The following CACNA1B variants were observed in gnomAD, a reference collection of about 807,000 sequenced individuals.
CACNA1B encodes calcium voltage-gated channel subunit alpha1 B.
CACNA1B carries 70 observed loss-of-function variants against 247.2 expected under a neutral mutation model. The observed-to-expected ratio is 0.28, with a 90% CI of 0.23 to 0.35. The LOEUF (loss-of-function observed/expected upper bound fraction) is 0.35, where lower values mean the gene tolerates loss of function less well. Ranked by LOEUF, CACNA1B falls within the 10% of genes least tolerant of loss-of-function variation. CACNA1B has a pLI of 1.00. For missense variants in CACNA1B, 2,367 were observed against 3,197.4 expected (o/e 0.74, Z 6.26); for synonymous variants, 1,231 against 1,294.4 (o/e 0.95, Z 1.05).
Position 138,011,788 on chromosome 9 carries a change from A to G in CACNA1B, c.2161-1341A>G, listed in dbSNP as rs749685311. Among the ~76,000 whole-genome samples the G allele has an allele frequency of 2.0e-5, 3 of 152,152 alleles. No homozygotes were observed. The highest frequency in any genetic ancestry group is 4.4e-5 in the Non-Finnish European group (3 of 68,020). The stretch of plus-strand genomic sequence containing the variant: ...GGAGGGAAATTCGCAGGCAGCTAAC[A>G]AGGGACTTAGTTTCTGCCAGCGTTG... On this transcript the variant is annotated intron_variant, in intron 17 of 46. Transcript: ENST00000371372. The surrounding 1 kb of genome is among the most constrained non-coding windows in gnomAD (Gnocchi z 4.2).
intron 3 of CACNA1B, among the ~76,000 whole-genome samples, chr9:137,903,946 C>T (rs1350354236): frequency 1.3e-5 from 2 of 152,126 alleles, no homozygotes; most frequent in South Asian, 2.1e-4. Context: ...GTTCTGGGTG[C>T]CAGTGCACAC....
chr9:138,043,872 T>G lies in CACNA1B; in HGVS notation c.3385T>G (p.Ser1129Ala). 1 of 1,613,976 alleles carries G rather than the reference T, an allele frequency of 6.2e-7. No individual in the cohort carries two copies. The highest frequency in any genetic ancestry group is 1.1e-5 in the South Asian group (1 of 91,084). The change falls in exon 21 of 47, where the codon TCC becomes GCC. Residue 1129 changes from serine (S) to alanine (A), a missense_variant. Coordinates refer to ENST00000371372, the MANE Select transcript of CACNA1B (RefSeq NM_000718.4). The stretch of plus-strand genomic sequence containing the variant: ...CCCCCGGCCTATCGTCCCATACAGC[T>G]CCATGTTCTGTTTAAGCCCCACCAA... ...SGPRPIVPYSSMFCLSPTNLL... is the reference protein window; with the variant it reads ...SGPRPIVPYSAMFCLSPTNLL...
chr9:138,013,675 C>G (rs1958754677), intron 18 of CACNA1B, among the ~76,000 whole-genome samples: 1 of 152,202 alleles, frequency 6.6e-6, no homozygotes, highest in African/African-American at 2.4e-5. Context: ...AATGTCTCTG[C>G]AAGTGTTTGG....
In CACNA1B at chr9:138,054,633, T is replaced by C. The variant is rs1449935900; in HGVS notation, c.3968+627T>C. On this transcript the variant is annotated intron_variant, in intron 26 of 46. Coordinates refer to ENST00000371372, the MANE Select transcript of CACNA1B (RefSeq NM_000718.4). This position sits in a 1 kb window ranked among gnomAD's most constrained non-coding sequence, Gnocchi z 4.6. ...GCACTTGGCTGTTTGCAGCTGGGAA[T>C]GCTGCACGTGCACACGTCCGCCAGG... Among the ~76,000 whole-genome samples the C allele has an allele frequency of 6.6e-6, 1 of 152,230 alleles. No homozygotes were observed. The highest frequency in any genetic ancestry group is 1.5e-5 in the Non-Finnish European group (1 of 68,032).
Position 138,020,561 on chromosome 9 carries a change from G to A in CACNA1B, c.2268-2450G>A, listed in dbSNP as rs904512618. On this transcript the variant is annotated intron_variant, in intron 18 of 46. Coordinates refer to ENST00000371372, the MANE Select transcript of CACNA1B (RefSeq NM_000718.4). The surrounding 1 kb of genome is among the most constrained non-coding windows in gnomAD (Gnocchi z 4.1). ...GGATACCTCCAGAGAGGAACTTGGT[G>A]GTGCTGGCCGAGTGAGGGCAGATGC... Among the ~76,000 whole-genome samples, 4 of 152,208 alleles carry A rather than the reference G, an allele frequency of 2.6e-5. No individual in the cohort carries two copies. The highest frequency in any genetic ancestry group is 4.4e-5 in the Non-Finnish European group (3 of 68,032).
At chr9:138,093,934 G>T (rs1343585557) in intron 36 of CACNA1B, among the ~76,000 whole-genome samples, 1 of 152,112 alleles carries the variant, frequency 6.6e-6, no homozygotes, top group East Asian at 1.9e-4. Flanking sequence ...AGACCCAAAA[G>T]AAATCAAATC....
At chr9:137,985,795 C>T (rs1028006908) in intron 13 of CACNA1B, among the ~76,000 whole-genome samples, 7 of 152,282 alleles carry the variant, frequency 4.6e-5, no homozygotes, top group South Asian at 2.1e-4. Flanking sequence ...CATGGGGACC[C>T]GTGCATGAGC....
Position 137,914,613 on chromosome 9 carries a change from C to T in CACNA1B, c.623-41C>T, listed in dbSNP as rs760035449. Reference sequence around the variant, plus strand: ...CCCCCACCAAATTCCTTGCCCTACCCTGCCCACGTTGCTTCCTGACCTGCC... The same window carrying T: ...CCCCCACCAAATTCCTTGCCCTACCTTGCCCACGTTGCTTCCTGACCTGCC... On this transcript the variant is annotated intron_variant, in intron 4 of 46. Transcript: ENST00000371372. The surrounding 1 kb of genome is among the most constrained non-coding windows in gnomAD (Gnocchi z 4.3). 3.1e-6 allele frequency: 5 copies of T among 1,590,278 alleles called. No homozygotes were observed. Among genetic ancestry groups the T allele is most frequent in the Non-Finnish European group, 4.3e-6 (5 of 1,162,162 alleles).
chr9:138,023,359 G>A lies in CACNA1B; in HGVS notation c.2616G>A (p.Pro872=), dbSNP rs944745345. ...GGGACCAGGACCGAGCAGAGGCCCC[G>A]AAGGCGGAGAGCGGGGAGCCCGGTG... ...AAGDQDRAEA[P]KAESGEPGAR... is the part of the protein sequence containing the mutation. Residue 872 remains proline, a synonymous_variant, in exon 19 of 47, where the codon CCG becomes CCA. Transcript: ENST00000371372. The A allele has an allele frequency of 1.1e-5, 15 of 1,423,552 alleles. No individual in the cohort carries two copies. The African/African-American group carries it at 1.2e-4, about 11-fold the overall frequency. The allele number at this position is 1,423,552 out of a possible 1,614,324, so 88.2% of individuals were successfully genotyped here.
intron 20 of CACNA1B, among the ~76,000 whole-genome samples, chr9:138,042,124 A>G (rs1274875299): frequency 6.6e-6 from 1 of 152,150 alleles, no homozygotes; most frequent in African/African-American, 2.4e-5. Flanking sequence ...TGCATATTTT[A>G]CTTAGTCAGT....
intron 6 of CACNA1B, among the ~76,000 whole-genome samples, chr9:137,948,264 A>G (rs1957821637): frequency 6.6e-6 from 1 of 152,076 alleles, no homozygotes; most frequent in Non-Finnish European, 1.5e-5. Context: ...TACAGGTGTG[A>G]GCCACCACGC....
intron 37 of CACNA1B, among the ~76,000 whole-genome samples, chr9:138,098,510 GATC>G (rs1351672817): frequency 6.6e-6 from 1 of 152,162 alleles, no homozygotes; most frequent in Non-Finnish European, 1.5e-5. Flanking sequence ...GGCAAAGGCA[GATC>G]AACAAAGGCC....
intron 11 of CACNA1B, among the ~76,000 whole-genome samples, chr9:137,972,461 C>T (rs565530326): frequency 1.3e-5 from 2 of 152,232 alleles, no homozygotes; most frequent in East Asian, 1.9e-4. Context: ...GCCGAGGCAC[C>T]CAGGAAAGCC....
At position 138,122,374 on chromosome 9, in the gene CACNA1B, C is replaced by T. The variant is rs1589142524; in HGVS notation, c.*375C>T. The T allele has an allele frequency of 4.0e-6, 1 of 251,384 alleles. No individual in the cohort carries two copies. Among genetic ancestry groups the T allele is most frequent in the East Asian group, 8.5e-5 (1 of 11,796 alleles). The allele number at this position is 251,384 out of a possible 1,614,324, so 15.6% of individuals were successfully genotyped here. ...AGCTCTGCGTCCTGTGGGGAGCACCCTTCACGTGGCCGTGCGGCACAGAGA... is the reference window on the plus strand; with the variant it reads ...AGCTCTGCGTCCTGTGGGGAGCACCTTTCACGTGGCCGTGCGGCACAGAGA... On this transcript the variant is annotated 3_prime_UTR_variant, in exon 47 of 47. Transcript: ENST00000371372.
At chr9:137,956,868 CTGGTGG>C in intron 9 of CACNA1B, 41 bp downstream of exon 9, 1 of 1,551,326 alleles carries the variant, frequency 6.4e-7, no homozygotes, top group South Asian at 1.1e-5. Context: ...GTGGAGTGCT[CTGGTGG>C]CCACGTGGGT....
chr9:137,944,837 C>T (rs532513186), intron 6 of CACNA1B, among the ~76,000 whole-genome samples: 9 of 152,094 alleles, frequency 5.9e-5, no homozygotes, highest in Non-Finnish European at 8.8e-5. Context: ...GCTGGAACCC[C>T]GAATTTTGCT....
intron 6 of CACNA1B, among the ~76,000 whole-genome samples, chr9:137,939,237 A>T (rs749099973): frequency 5.4e-4 from 83 of 152,364 alleles, no homozygotes; most frequent in Non-Finnish European, 9.4e-4. Context: ...GTATTTACAG[A>T]ACATTCTAGC....
At chr9:137,930,168 G>C (rs550674842) in intron 6 of CACNA1B, among the ~76,000 whole-genome samples, 2 of 152,208 alleles carry the variant, frequency 1.3e-5, no homozygotes, top group African/African-American at 2.4e-5. Context: ...GCTGGGCGCA[G>C]TGGCTCACGC....
rs779456545 is a variant in CACNA1B at position 138,120,193 on chromosome 9, G to A, written c.6059G>A (p.Arg2020His). The change falls in exon 45 of 47, where the codon CGC (arginine) becomes CAC (histidine). Residue 2020 changes from arginine to histidine, a missense_variant. This residue lies in a region of CACNA1B where 773 missense variants were observed against 779.4 expected (regional missense o/e 0.99). Coordinates refer to ENST00000371372, the MANE Select transcript of CACNA1B (RefSeq NM_000718.4). ...GTCACAGATGCCAGCCCCATGAAGC[G>A]CTCCATCTCCACGCTGGCCCAGCGG... ...QPVTDASPMK[R>H]SISTLAQRPR... The A allele has an allele frequency of 2.8e-5, 45 of 1,606,920 alleles. No individual in the cohort carries two copies. Among genetic ancestry groups the A allele is most frequent in the Non-Finnish European group, 3.5e-5 (41 of 1,177,608 alleles).
Sources: allele counts gnomAD v4.1 joint callset (sites outside exome capture counted in the v4.1 genomes callset), GRCh38; gene constraint gnomAD v4.1.1; regional missense constraint gnomAD v4.1.1; non-coding constraint Gnocchi (gnomAD v3.1); transcripts MANE v1.5; gene names NCBI Gene and HGNC (gene_info 2026-07-23, HGNC 2026-07-21).